The following MGMT variants were observed in gnomAD, a reference collection of about 807,000 sequenced individuals.
MGMT encodes methylated-DNA--protein-cysteine methyltransferase.
MGMT carries 14 observed loss-of-function variants against 15.9 expected under a neutral mutation model. The ratio of observed to expected loss-of-function variants is 0.88; its 90% CI spans 0.58 to 1.37. The LOEUF (loss-of-function observed/expected upper bound fraction) is 1.37. Among genes scored for constraint, MGMT ranks in the 40% most tolerant of loss-of-function variants. The pLI, the probability that MGMT is intolerant of heterozygous loss-of-function variation, is 0.00. For synonymous variants in MGMT, 130 were observed against 118.2 expected, an observed-to-expected ratio of 1.10 and a Z score of -0.65; for missense variants, 282 against 268.1, an observed-to-expected ratio of 1.05 and a Z score of -0.36.
intron 3 of MGMT, among the ~76,000 whole-genome samples, chr10:129,727,672 G>C (rs956892767): frequency 2.6e-5 from 4 of 152,200 alleles, no homozygotes; most frequent in Non-Finnish European, 5.9e-5. Context: ...CCTTCCAGCT[G>C]TTTTTGGCTG....
At chr10:129,595,914 T>TG (rs1846745885) in intron 2 of MGMT, among the ~76,000 whole-genome samples, 1 of 152,114 alleles carries the variant, frequency 6.6e-6, no homozygotes, top group Non-Finnish European at 1.5e-5. Flanking sequence ...AAGTTTTCTA[T>TG]GGGGGAGATT....
intron 3 of MGMT, among the ~76,000 whole-genome samples, chr10:129,718,854 TTGCTCAGGCATGTCACCTTC>T (rs1165395212): frequency 2.1e-4 from 32 of 151,358 alleles, no homozygotes; most frequent in Middle Eastern, 3.4e-3. Context: ...GTCTGTATGC[TTGCTCAGGCATGTCACCTTC>T]TGCTCAGGCA....
At chr10:129,494,325 G>A (rs1845499068) in intron 1 of MGMT, among the ~76,000 whole-genome samples, 1 of 152,138 alleles carries the variant, frequency 6.6e-6, no homozygotes, top group Non-Finnish European at 1.5e-5. Flanking sequence ...GCTGGACCCT[G>A]ACCTTGAACT....
intron 1 of MGMT, among the ~76,000 whole-genome samples, chr10:129,521,952 G>A (rs139804162): frequency 6.6e-6 from 1 of 152,366 alleles, no homozygotes; most frequent in African/African-American, 2.4e-5. Context: ...AAGCGTGCCG[G>A]TGCAGGGCAC....
chr10:129,548,301 A>G (rs1056621307), intron 2 of MGMT, among the ~76,000 whole-genome samples: 2 of 152,232 alleles, frequency 1.3e-5, no homozygotes, highest in African/African-American at 4.8e-5. Flanking sequence ...CTAAAAATAT[A>G]TGCTCCTGAA....
At chr10:129,627,739 A>G (rs1478046452) in intron 2 of MGMT, among the ~76,000 whole-genome samples, 1 of 152,172 alleles carries the variant, frequency 6.6e-6, no homozygotes, top group Non-Finnish European at 1.5e-5. Flanking sequence ...ACTGGGAATT[A>G]TTGCTGTTAT....
chr10:129,614,567 C>T (rs772124909), intron 2 of MGMT, among the ~76,000 whole-genome samples: 3 of 152,216 alleles, frequency 2.0e-5, no homozygotes, highest in Admixed American at 6.5e-5. Flanking sequence ...CTTTGGCAGC[C>T]GTTTCAAGCT....
At chr10:129,614,926 A>G (rs969592588) in intron 2 of MGMT, among the ~76,000 whole-genome samples, 1 of 152,154 alleles carries the variant, frequency 6.6e-6, no homozygotes, top group Non-Finnish European at 1.5e-5. Flanking sequence ...CATTTTGCAT[A>G]TTCCCAGTAC....
chr10:129,643,810 A>G (rs148680338), intron 2 of MGMT, among the ~76,000 whole-genome samples: 235 of 152,336 alleles, frequency 1.5e-3, no homozygotes, highest in African/African-American at 5.5e-3. Context: ...TTGAGGCATC[A>G]AAGCTATGCT....
chr10:129,657,713 ACACACACACACACACC>A lies in MGMT; in HGVS notation c.126-50180_126-50165del, dbSNP rs1221172354. On this transcript the variant is annotated intron_variant, in intron 2 of 4. Coordinates refer to ENST00000651593, the MANE Select transcript of MGMT (RefSeq NM_002412.5). Reference sequence around the variant, plus strand: ...CACACACACACACACACACGCACACACACACACACACACACCCCCTCTCCCCCAAGGACCCACAAGG... The same window carrying A: ...CACACACACACACACACACGCACACACCCTCTCCCCCAAGGACCCACAAGG... 2.2e-4 allele frequency among the ~76,000 whole-genome samples: 33 copies of A among 148,116 alleles called. 1 individual carries two copies. The highest frequency in any genetic ancestry group is 1.1e-3 in the South Asian group (5 of 4,700).
chr10:129,601,809 G>A (rs1846824657), intron 2 of MGMT, among the ~76,000 whole-genome samples: 1 of 152,206 alleles, frequency 6.6e-6, no homozygotes, highest in African/African-American at 2.4e-5. Flanking sequence ...GGCGTGCAGG[G>A]CTTCTTGACA....
intron 2 of MGMT, among the ~76,000 whole-genome samples, chr10:129,667,444 G>C (rs914411688): frequency 6.6e-6 from 1 of 152,258 alleles, no homozygotes; most frequent in East Asian, 1.9e-4. Context: ...CCATACAACT[G>C]CATGTCACCG....
rs1846091964 is a variant in MGMT, at chr10:129,545,783, A to G, written c.125+9406A>G. On this transcript the variant is annotated intron_variant, in intron 2 of 4. Transcript: ENST00000651593. ...TATTTAAACTGGCTGCAACTAATGA[A>G]TAGTTTTCAGTTTTGTTTTAAAAGT... Among the ~76,000 whole-genome samples the G allele has an allele frequency of 1.3e-5, 2 of 152,212 alleles. 1 individual carries two copies. The highest frequency in any genetic ancestry group is 4.1e-4 in the South Asian group (2 of 4,826).
intron 2 of MGMT, among the ~76,000 whole-genome samples, chr10:129,652,218 C>T (rs1847467575): frequency 6.6e-6 from 1 of 152,264 alleles, no homozygotes; most frequent in African/African-American, 2.4e-5. Context: ...GGGGGCCGGC[C>T]ATGCGGAGAA....
rs118041361 is a variant in MGMT, at chr10:129,769,717, G to A, written c.*2720G>A. ...TGTCCTTCTCCCAGTCTCTCTTCCC[G>A]CTGGGAACAGAAGTGTCCAGTAAAC... On this transcript the variant is annotated 3_prime_UTR_variant, in exon 5 of 5. Transcript: ENST00000651593. 0.012 allele frequency among the ~76,000 whole-genome samples: 1,872 copies of A among 152,272 alleles called. 19 individuals carry two copies. Among genetic ancestry groups the A allele is most frequent in the Non-Finnish European group, 0.021 (1,450 of 68,036 alleles).
chr10:129,667,938 T>C (rs938287893), intron 2 of MGMT, among the ~76,000 whole-genome samples: 4 of 152,362 alleles, frequency 2.6e-5, no homozygotes, highest in Admixed American at 6.5e-5. Flanking sequence ...CATTCTCTTA[T>C]TGTGTTGCCT....
chr10:129,474,999 TG>T (rs1845274537), intron 1 of MGMT, among the ~76,000 whole-genome samples: 1 of 151,222 alleles, frequency 6.6e-6, no homozygotes, highest in African/African-American at 2.4e-5. Context: ...GCCTGGCCTT[TG>T]TTGGGGGGGG....
At chr10:129,748,332 T>C (rs1024542850) in intron 3 of MGMT, among the ~76,000 whole-genome samples, 1 of 152,174 alleles carries the variant, frequency 6.6e-6, no homozygotes, top group Admixed American at 6.5e-5. Flanking sequence ...TTTTGGCCAT[T>C]TGGGAGATTG....
rs1032917360 is a variant in MGMT, at chr10:129,769,970, C to T, written c.*2973C>T. Reference sequence around the variant, plus strand: ...GCGTTGCAGAGGAAGTGGGCAAGCTCACCTTGTAGAGAACTTACTTGGGGT... The same window carrying T: ...GCGTTGCAGAGGAAGTGGGCAAGCTTACCTTGTAGAGAACTTACTTGGGGT... On this transcript the variant is annotated 3_prime_UTR_variant, in exon 5 of 5. Coordinates refer to ENST00000651593, the MANE Select transcript of MGMT (RefSeq NM_002412.5). Among the ~76,000 whole-genome samples the T allele has an allele frequency of 1.3e-5, 2 of 152,194 alleles. No individual in the cohort carries two copies. The highest frequency in any genetic ancestry group is 4.8e-5 in the African/African-American group (2 of 41,454).
Sources: gnomAD v4.1 joint callset for allele counts (sites outside exome capture counted in the v4.1 genomes callset) on GRCh38, gnomAD v4.1.1 for gene constraint, MANE v1.5 for transcripts, NCBI Gene and HGNC (gene_info 2026-07-23, HGNC 2026-07-21) for gene names.